Variants in LINGO2 observed in about 807,000 individuals in gnomAD.
LINGO2 encodes leucine rich repeat and Ig domain containing 2.
In LINGO2, 14 loss-of-function variants were observed where a neutral mutation model predicts 30.6. The observed-to-expected ratio is 0.46, with a 90% CI of 0.30 to 0.72. The LOEUF (loss-of-function observed/expected upper bound fraction) is 0.72, where lower values mean the gene tolerates loss of function less well. Ranked by LOEUF, LINGO2 falls within the 30% of genes least tolerant of loss-of-function variation. The probability of loss-of-function intolerance (pLI) is 0.07; values close to 1 mark genes in which losing one functional copy is unlikely to be tolerated. For missense variants in LINGO2, 729 were observed against 751.7 expected (o/e 0.97, Z 0.35); for synonymous variants, 317 against 288.5 (o/e 1.10, Z -1.00).
At chr9:28,369,871 C>A (rs1160983476) in intron 3 of LINGO2, among the ~76,000 whole-genome samples, 1 of 152,042 alleles carries the variant, frequency 6.6e-6, no homozygotes, top group Non-Finnish European at 1.5e-5. Context: ...TATTGGTATT[C>A]CTCTTTAATT....
the LINGO2 span, among the ~76,000 whole-genome samples, chr9:28,928,090 G>T: frequency 2.6e-5 from 4 of 152,312 alleles, no homozygotes; most frequent in East Asian, 3.9e-4. Context: ...CATTCACAAA[G>T]ATTTAGTCAT....
chr9:28,843,347 GTGGGTTT>G, the LINGO2 span, among the ~76,000 whole-genome samples: 1 of 151,546 alleles, frequency 6.6e-6, no homozygotes, highest in Non-Finnish European at 1.5e-5. Flanking sequence ...CCTCATATAT[GTGGGTTT>G]CTACACACTT....
intron 4 of LINGO2, among the ~76,000 whole-genome samples, chr9:28,094,320 C>CA (rs1826182537): frequency 6.6e-6 from 1 of 152,062 alleles, no homozygotes; most frequent in Admixed American, 6.6e-5. Flanking sequence ...CAAGCTATAG[C>CA]AAGTAACAGG....
At chr9:28,831,491 T>C in the LINGO2 span, among the ~76,000 whole-genome samples, 1 of 152,124 alleles carries the variant, frequency 6.6e-6, no homozygotes, top group Non-Finnish European at 1.5e-5. Context: ...GAGTGAGTCA[T>C]GTTCTTGGTT....
chr9:28,800,719 C>T, the LINGO2 span, among the ~76,000 whole-genome samples: 17 of 152,000 alleles, frequency 1.1e-4, no homozygotes, highest in Non-Finnish European at 2.5e-4. Flanking sequence ...TGAGCCATGA[C>T]AGTAAACATT....
the LINGO2 span, among the ~76,000 whole-genome samples, chr9:28,961,628 G>GC: frequency 6.6e-6 from 1 of 152,246 alleles, no homozygotes; most frequent in Non-Finnish European, 1.5e-5. Flanking sequence ...GTAATGAAAA[G>GC]TCTGAAAGTT....
chr9:28,002,876 G>A (rs1822034023), intron 5 of LINGO2, among the ~76,000 whole-genome samples: 1 of 152,040 alleles, frequency 6.6e-6, no homozygotes. Context: ...TCAATCGTGT[G>A]GTGTGTTCTA....
the LINGO2 span, among the ~76,000 whole-genome samples, chr9:28,992,479 C>T: frequency 3.3e-5 from 5 of 151,244 alleles, no homozygotes; most frequent in South Asian, 1.0e-3. Flanking sequence ...AACAAGGATA[C>T]CCAGGAATTG....
the LINGO2 span, among the ~76,000 whole-genome samples, chr9:29,106,738 T>C: frequency 2.6e-5 from 4 of 152,300 alleles, no homozygotes; most frequent in Middle Eastern, 3.4e-3. Context: ...ATATCCTTTA[T>C]AGACTTTTAT....
intron 1 of LINGO2, among the ~76,000 whole-genome samples, chr9:28,478,265 A>C (rs1411645283): frequency 2.6e-5 from 4 of 152,148 alleles, no homozygotes; most frequent in Admixed American, 6.5e-5. Context: ...TTTAACTAGC[A>C]GCATTTGTTT....
the LINGO2 span, among the ~76,000 whole-genome samples, chr9:28,762,787 C>T: frequency 1.3e-5 from 2 of 151,970 alleles, no homozygotes. Flanking sequence ...AAAATAAAGT[C>T]ACCTTCCTTG....
chr9:28,740,540 T>C, the LINGO2 span, among the ~76,000 whole-genome samples: 1 of 151,042 alleles, frequency 6.6e-6, no homozygotes, highest in Non-Finnish European at 1.5e-5. Context: ...TGGGTTAAAA[T>C]CTACCATTTT....
intron 3 of LINGO2, among the ~76,000 whole-genome samples, chr9:28,351,967 C>T (rs1426649216): frequency 3.3e-5 from 5 of 151,500 alleles, no homozygotes; most frequent in African/African-American, 9.7e-5. Flanking sequence ...ATGCTAAAAA[C>T]TCTCAATAAA....
At chr9:28,552,630 G>C (rs1325234994) in intron 1 of LINGO2, among the ~76,000 whole-genome samples, 1 of 150,744 alleles carries the variant, frequency 6.6e-6, no homozygotes, top group Non-Finnish European at 1.5e-5. Flanking sequence ...TTTCCATTCT[G>C]GGAACTTTTT....
intron 4 of LINGO2, among the ~76,000 whole-genome samples, chr9:28,210,804 A>ATTT (rs71502442): frequency 2.0e-5 from 3 of 151,048 alleles, no homozygotes; most frequent in Non-Finnish European, 4.5e-5. Context: ...TTATATTTTT[A>ATTT]TTTTTTTCAT....
intron 2 of LINGO2, among the ~76,000 whole-genome samples, chr9:28,416,955 T>G (rs759554308): frequency 9.2e-5 from 14 of 152,158 alleles, no homozygotes; most frequent in Non-Finnish European, 1.8e-4. Context: ...GGTACACATA[T>G]GCATTTATAT....
At chr9:29,099,207 T>C in the LINGO2 span, among the ~76,000 whole-genome samples, 3 of 152,192 alleles carry the variant, frequency 2.0e-5, no homozygotes, top group Admixed American at 2.0e-4. Flanking sequence ...GACCCCTATA[T>C]CTCTCACCAC....
intron 5 of LINGO2, among the ~76,000 whole-genome samples, chr9:27,982,831 G>C (rs1030832993): frequency 1.6e-4 from 25 of 151,708 alleles, no homozygotes; most frequent in Admixed American, 1.1e-3. Flanking sequence ...GTAAACTGTG[G>C]TTAATAATAT....
chr9:28,995,563 A>C, the LINGO2 span, among the ~76,000 whole-genome samples: 5 of 152,046 alleles, frequency 3.3e-5, no homozygotes, highest in Admixed American at 3.3e-4. Context: ...GTAAAGACAC[A>C]TGCGCACGTA....
Sources: allele counts gnomAD v4.1 joint callset (sites outside exome capture counted in the v4.1 genomes callset), GRCh38; gene constraint gnomAD v4.1.1; transcripts MANE v1.5; gene names NCBI Gene and HGNC (gene_info 2026-07-23, HGNC 2026-07-21).